ANO5: variants seen among roughly 807,000 people sequenced by gnomAD.
The protein encoded by ANO5 is anoctamin 5.
A neutral mutation model predicts 121.0 loss-of-function variants in ANO5; 109 were observed. The observed-to-expected ratio is 0.90, with a 90% CI of 0.77 to 1.06. The LOEUF is 1.06. Ranked by LOEUF, ANO5 falls within the 50% of genes least tolerant of loss-of-function variation. The pLI is 0.00. For synonymous variants in ANO5, 406 were observed against 359.9 expected, an observed-to-expected ratio of 1.13 and a Z score of -1.45; for missense variants, 1,064 against 1,078.5, an observed-to-expected ratio of 0.99 and a Z score of 0.19.
chr11:22,274,720 C>G lies in ANO5; in HGVS notation c.2387C>G (p.Ser796Trp), dbSNP rs61910685. Residue 796 changes from serine (S) to tryptophan (W), a missense_variant, in exon 20 of 22, where the codon TCG becomes TGG. Coordinates refer to ENST00000324559, the MANE Select transcript of ANO5 (RefSeq NM_213599.3). ...GATTTTCCAAACCACACTGCACCTTCGGAAAAACGAGACTTCATCACTTGC... is the reference window on the plus strand; with the variant it reads ...GATTTTCCAAACCACACTGCACCTTGGGAAAAACGAGACTTCATCACTTGC... Reference protein sequence around the residue: ...IADFPNHTAPSEKRDFITCRY... With the variant: ...IADFPNHTAPWEKRDFITCRY... 1.2e-6 allele frequency: 2 copies of G among 1,613,352 alleles called. No individual in the cohort carries two copies.
In ANO5 at chr11:22,259,581, A is replaced by T; in HGVS notation, c.1470A>T (p.Thr490=). The change falls in exon 15 of 22, where the codon ACA becomes ACT. Residue 490 remains threonine (T), a synonymous_variant. Transcript: ENST00000324559. ...VIVYRLSVFA[T]FASFMESDAS... ...TGTACCGCCTGTCAGTCTTTGCTAC[A>T]TTTGCTAGTTTCATGGAAAGTGATG... 1 of 1,614,110 alleles carries T rather than the reference A, an allele frequency of 6.2e-7. No homozygotes were observed. The highest frequency in any genetic ancestry group is 8.5e-7 in the Non-Finnish European group (1 of 1,180,014).
chr11:22,214,224 T>C (rs1852371189), intron 3 of ANO5, among the ~76,000 whole-genome samples: 1 of 152,014 alleles, frequency 6.6e-6, no homozygotes, highest in African/African-American at 2.4e-5. Flanking sequence ...TTCAGTTGAC[T>C]CCTGTGTTTC....
intron 17 of ANO5, among the ~76,000 whole-genome samples, chr11:22,265,319 G>GA (rs1854322984): frequency 6.6e-6 from 1 of 152,110 alleles, no homozygotes; most frequent in Non-Finnish European, 1.5e-5. Flanking sequence ...GGTTCTCAGT[G>GA]AAAATAGTGT....
intron 2 of ANO5, among the ~76,000 whole-genome samples, chr11:22,206,165 A>G (rs1274524348): frequency 6.6e-6 from 1 of 152,164 alleles, no homozygotes; most frequent in Non-Finnish European, 1.5e-5. Flanking sequence ...TTAAAAAAAA[A>G]TGAAAACAAA....
At chr11:22,216,072 T>G (rs1292426330) in intron 3 of ANO5, among the ~76,000 whole-genome samples, 1 of 151,908 alleles carries the variant, frequency 6.6e-6, no homozygotes, top group Non-Finnish European at 1.5e-5. Flanking sequence ...GAAATTTATT[T>G]GTCCACTCAT....
At chr11:22,258,759 G>T (rs1854084223) in intron 14 of ANO5, among the ~76,000 whole-genome samples, 1 of 152,056 alleles carries the variant, frequency 6.6e-6, no homozygotes, top group South Asian at 2.1e-4. Context: ...TTCTGTAAAG[G>T]GGCCAGATAT....
intron 8 of ANO5, 102 bp downstream of exon 8, chr11:22,236,378 C>T: frequency 1.0e-6 from 1 of 969,340 alleles, no homozygotes; most frequent in Non-Finnish European, 1.6e-6. Flanking sequence ...TTAGTTTTCT[C>T]TCATGGTGGG....
chr11:22,196,501 G>GTTTTT (rs34588581), intron 1 of ANO5, among the ~76,000 whole-genome samples: 2 of 145,552 alleles, frequency 1.4e-5, no homozygotes, highest in African/African-American at 5.1e-5. Context: ...TGTTATGAGA[G>GTTTTT]TTTTTTTTTT....
chr11:22,219,862 T>C (rs1211531945), intron 4 of ANO5, among the ~76,000 whole-genome samples: 1 of 151,568 alleles, frequency 6.6e-6, no homozygotes, highest in African/African-American at 2.4e-5. Context: ...AGTTACTGTA[T>C]CTTGGCACTT....
At chr11:22,279,129 T>C (rs1245104762) in intron 21 of ANO5, among the ~76,000 whole-genome samples, 1 of 151,870 alleles carries the variant, frequency 6.6e-6, no homozygotes, top group Non-Finnish European at 1.5e-5. Context: ...AAAGTCCTTA[T>C]TGCCTTCTTT....
chr11:22,201,854 T>C (rs1352823436), intron 1 of ANO5, among the ~76,000 whole-genome samples: 1 of 152,214 alleles, frequency 6.6e-6, no homozygotes, highest in Non-Finnish European at 1.5e-5. Context: ...TCAACATTGT[T>C]GCATTGCAGA....
Position 22,279,843 on chromosome 11 carries a change from C to A in ANO5, c.*78C>A. ...GGTTTTAGGGCCAGACGCCAGAAGC[C>A]ATGTGTCAATTTTACCCTTTCTTTT... On this transcript the variant is annotated 3_prime_UTR_variant, in exon 22 of 22. Coordinates refer to ENST00000324559, the MANE Select transcript of ANO5 (RefSeq NM_213599.3). 1.6e-6 allele frequency: 2 copies of A among 1,217,692 alleles called. No individual in the cohort carries two copies. Among genetic ancestry groups the A allele is most frequent in the Non-Finnish European group, 2.3e-6 (2 of 857,710 alleles). 75.4% of individuals were successfully genotyped at this position (1,217,692 alleles called of 1,614,324 possible). A position where few individuals can be genotyped will look rare whatever the true frequency, so the allele number is the denominator to read the frequency against.
intron 12 of ANO5, among the ~76,000 whole-genome samples, chr11:22,252,393 C>G (rs982512430): frequency 6.6e-6 from 1 of 152,246 alleles, no homozygotes; most frequent in Admixed American, 6.5e-5. Context: ...AGATTGTGCA[C>G]CAACACCTGC....
intron 18 of ANO5, among the ~76,000 whole-genome samples, chr11:22,271,277 T>A (rs765259925): frequency 3.5e-4 from 54 of 152,120 alleles, no homozygotes; most frequent in Non-Finnish European, 7.4e-4. Flanking sequence ...CTCGATCTCC[T>A]GACCTCATGA....
rs1197812976 is a variant in ANO5, at chr11:22,227,511, C to G, written c.573C>G (p.Phe191Leu). Residue 191 changes from phenylalanine to leucine, a missense_variant, in exon 7 of 22, where the codon TTC (phenylalanine) becomes TTG (leucine). By Grantham distance (22) the Phe-to-Leu change is conservative. Transcript: ENST00000324559. ...YPHPEYFTAQ[F>L]SRHRQELFLI... ...ATCCTGAATATTTTACTGCACAATT[C>G]AGCAGACATCGGCAGGAGCTCTTCC... 1.2e-6 allele frequency: 2 copies of G among 1,613,594 alleles called. No homozygotes were observed. The highest frequency in any genetic ancestry group is 2.2e-5 in the South Asian group (2 of 91,080).
chr11:22,211,946 C>G lies in ANO5; in HGVS notation c.138+632C>G, dbSNP rs139573996. Among the ~76,000 whole-genome samples, 1,012 of 151,122 alleles carry G rather than the reference C, an allele frequency of 6.7e-3. 11 individuals are homozygous for G. The highest frequency in any genetic ancestry group is 0.023 in the African/African-American group (961 of 41,282). Reference sequence around the variant, plus strand: ...TTGGAATGAGGATTGTGATATTGATCAAATTAAAACAATTGAAATGTTTTG... The same window carrying G: ...TTGGAATGAGGATTGTGATATTGATGAAATTAAAACAATTGAAATGTTTTG... On this transcript the variant is annotated intron_variant, in intron 3 of 21. Coordinates refer to ENST00000324559, the MANE Select transcript of ANO5 (RefSeq NM_213599.3).
intron 19 of ANO5, among the ~76,000 whole-genome samples, chr11:22,273,236 A>G (rs1854694869): frequency 6.6e-6 from 1 of 152,200 alleles, no homozygotes; most frequent in South Asian, 2.1e-4. Context: ...CATGTGACAA[A>G]GCAGACAGAA....
At chr11:22,249,498 C>G (rs1047964624) in intron 9 of ANO5, among the ~76,000 whole-genome samples, 1 of 152,026 alleles carries the variant, frequency 6.6e-6, no homozygotes. Context: ...ACAACAACAA[C>G]AAGAAAACCT....
chr11:22,193,523 G>A lies in ANO5; in HGVS notation c.31G>A (p.Ala11Thr), dbSNP rs1373002417. MGDPDLLEVL[A>T]EEGEKVNKHI... Reference sequence around the variant, plus strand: ...CGACCCGGATCTCCTGGAAGTGTTGGCGGAGGAAGGTAGGACCGCGCCAAG... The same window carrying A: ...CGACCCGGATCTCCTGGAAGTGTTGACGGAGGAAGGTAGGACCGCGCCAAG... The change falls in exon 1 of 22, where the codon GCG (alanine) becomes ACG (threonine). Residue 11 changes from alanine (A) to threonine (T), a missense_variant. Coordinates refer to ENST00000324559, the MANE Select transcript of ANO5 (RefSeq NM_213599.3). 12 of 1,612,918 alleles carry A rather than the reference G, an allele frequency of 7.4e-6. No individual in the cohort carries two copies. Among genetic ancestry groups the A allele is most frequent in the Admixed American group, 6.7e-5 (4 of 59,940 alleles).
Sources: allele counts gnomAD v4.1 joint callset (sites outside exome capture counted in the v4.1 genomes callset), GRCh38; gene constraint gnomAD v4.1.1; transcripts MANE v1.5; gene names NCBI Gene and HGNC (gene_info 2026-07-23, HGNC 2026-07-21).